The following SUPT3H variants were observed in gnomAD, a reference collection of about 807,000 sequenced individuals.
SUPT3H encodes the protein SPT3 homolog, SAGA and STAGA complex component.
SUPT3H carries 44 observed loss-of-function variants against 44.3 expected under a neutral mutation model. That is an observed-to-expected ratio of 0.99 (90% CI 0.78 to 1.28). SUPT3H has a LOEUF of 1.28. Among genes scored for constraint, SUPT3H ranks in the 50% most tolerant of loss-of-function variants. The probability of loss-of-function intolerance (pLI) is 0.00; values close to 1 mark genes in which losing one functional copy is unlikely to be tolerated. For missense variants in SUPT3H, 380 were observed against 387.1 expected (o/e 0.98, Z 0.15); for synonymous variants, 124 against 125.6 (o/e 0.99, Z 0.09).
At chr6:44,903,573 T>A (rs1017258999) in intron 10 of SUPT3H, among the ~76,000 whole-genome samples, 2 of 152,120 alleles carry the variant, frequency 1.3e-5, no homozygotes, top group Admixed American at 6.6e-5. Flanking sequence ...CAGGACCAGA[T>A]GGATTCACAG....
At chr6:44,895,602 G>T (rs1582310134) in intron 10 of SUPT3H, among the ~76,000 whole-genome samples, 1 of 152,122 alleles carries the variant, frequency 6.6e-6, no homozygotes, top group East Asian at 1.9e-4. Flanking sequence ...TTACTTTCTA[G>T]TATCACCTGT....
At chr6:45,099,125 C>A (rs1798193941) in intron 3 of SUPT3H, 4 of 343,132 alleles carry the variant, frequency 1.2e-5, no homozygotes, top group Non-Finnish European at 5.8e-6. Context: ...TTCCACACCC[C>A]CAACCCCAGG....
chr6:45,006,574 G>A (rs1329708), intron 5 of SUPT3H, among the ~76,000 whole-genome samples: 147,684 of 152,152 alleles, frequency 0.97, 71,701 homozygotes, highest in East Asian at 1. Context: ...ATTATTTAAA[G>A]TAAGATATCA....
At chr6:45,293,787 GA>G (rs1780683925) in intron 2 of SUPT3H, among the ~76,000 whole-genome samples, 1 of 151,986 alleles carries the variant, frequency 6.6e-6, no homozygotes. Flanking sequence ...CTTAAATCAG[GA>G]TAAATTAGAT....
chr6:45,197,703 T>C (rs1387150090), intron 2 of SUPT3H: 4 of 295,270 alleles, frequency 1.4e-5, no homozygotes, highest in African/African-American at 4.7e-5. Flanking sequence ...AAAACCATTA[T>C]GCATTGTATT....
chr6:45,333,400 A>C (rs895670231), intron 2 of SUPT3H, among the ~76,000 whole-genome samples: 1 of 151,536 alleles, frequency 6.6e-6, no homozygotes, highest in African/African-American at 2.4e-5. Context: ...TTCAGATTAA[A>C]TGCTCTTTTA....
chr6:45,306,172 C>A (rs955725149), intron 2 of SUPT3H, among the ~76,000 whole-genome samples: 1 of 152,212 alleles, frequency 6.6e-6, no homozygotes, highest in African/African-American at 2.4e-5. Flanking sequence ...AAGGCCACAT[C>A]ACAGGCAACA....
At chr6:45,309,463 A>G (rs955783017) in intron 2 of SUPT3H, among the ~76,000 whole-genome samples, 1 of 151,962 alleles carries the variant, frequency 6.6e-6, no homozygotes, top group African/African-American at 2.4e-5. Flanking sequence ...AAAAGAGAAA[A>G]AAAAAACTAT....
rs115169645 is a variant in SUPT3H, at chr6:45,196,171, G to A, written c.102-90165C>T. Reference sequence around the variant, plus strand: ...TGACAATATTCAATCATTTTAAAAGGGGGTAGGGGGCAGATATATTGCTTT... The same window carrying A: ...TGACAATATTCAATCATTTTAAAAGAGGGTAGGGGGCAGATATATTGCTTT... On this transcript the variant is annotated intron_variant, in intron 2 of 10. Transcript: ENST00000371459. Among the ~76,000 whole-genome samples, 1,103 of 151,990 alleles carry A rather than the reference G, an allele frequency of 7.3e-3. 17 individuals are homozygous for A. Among genetic ancestry groups the A allele is most frequent in the African/African-American group, 0.025 (1,046 of 41,466 alleles).
chr6:45,156,579 A>C (rs746247724), intron 2 of SUPT3H, among the ~76,000 whole-genome samples: 4 of 151,432 alleles, frequency 2.6e-5, no homozygotes, highest in Non-Finnish European at 4.4e-5. Flanking sequence ...AATTAATATA[A>C]TTTCAATAAA....
chr6:44,980,371 G>A (rs72867403), intron 6 of SUPT3H, among the ~76,000 whole-genome samples: 1 of 152,046 alleles, frequency 6.6e-6, no homozygotes, highest in Non-Finnish European at 1.5e-5. Context: ...CCTCATCAAT[G>A]TTATAACAAA....
chr6:45,219,871 T>G (rs1346580457), intron 2 of SUPT3H, among the ~76,000 whole-genome samples: 3 of 151,364 alleles, frequency 2.0e-5, no homozygotes, highest in Non-Finnish European at 4.4e-5. Flanking sequence ...AAACCCTGTC[T>G]CCATTAAAAA....
At chr6:44,918,131 T>C (rs1370936885) in intron 10 of SUPT3H, among the ~76,000 whole-genome samples, 1 of 152,108 alleles carries the variant, frequency 6.6e-6, no homozygotes, top group Middle Eastern at 3.2e-3. Flanking sequence ...TCTTTAGAAA[T>C]ATGAATCCCC....
At chr6:45,050,012 T>C (rs1790022514) in intron 3 of SUPT3H, among the ~76,000 whole-genome samples, 1 of 152,052 alleles carries the variant, frequency 6.6e-6, no homozygotes, top group African/African-American at 2.4e-5. Context: ...CTGGGGAAAA[T>C]GAAATCATAT....
At chr6:44,880,505 C>G (rs901090132) in intron 10 of SUPT3H, among the ~76,000 whole-genome samples, 2 of 152,136 alleles carry the variant, frequency 1.3e-5, no homozygotes, top group African/African-American at 4.8e-5. Context: ...AAACACTCTG[C>G]AGGATATTAT....
At chr6:45,168,016 G>A (rs1810177484) in intron 2 of SUPT3H, among the ~76,000 whole-genome samples, 1 of 151,966 alleles carries the variant, frequency 6.6e-6, no homozygotes, top group South Asian at 2.1e-4. Context: ...TCTCTATGTT[G>A]GTCAGGCTGG....
intron 9 of SUPT3H, among the ~76,000 whole-genome samples, chr6:44,935,816 T>C (rs1248767604): frequency 6.6e-6 from 1 of 152,220 alleles, no homozygotes; most frequent in Non-Finnish European, 1.5e-5. Context: ...AACTCTCAAC[T>C]GTGATGCAGA....
In SUPT3H at chr6:44,989,525, G is replaced by T. The variant is rs528210043; in HGVS notation, c.504+14128C>A. Reference sequence around the variant, plus strand: ...ATTTCTTTTGGATATATACCCAGAAGCAGCATTGCTGGATCATCTGATAGT... The same window carrying T: ...ATTTCTTTTGGATATATACCCAGAATCAGCATTGCTGGATCATCTGATAGT... On this transcript the variant is annotated intron_variant, in intron 6 of 10. Transcript: ENST00000371459. Among the ~76,000 whole-genome samples, 51 of 152,248 alleles carry T rather than the reference G, an allele frequency of 3.3e-4. 1 individual carries two copies. Among genetic ancestry groups the T allele is most frequent in the African/African-American group, 1.1e-3 (47 of 41,560 alleles).
chr6:45,201,968 A>C (rs1296725029), intron 2 of SUPT3H, among the ~76,000 whole-genome samples: 2 of 152,100 alleles, frequency 1.3e-5, no homozygotes, highest in African/African-American at 2.4e-5. Context: ...AAAGTAGTAG[A>C]ATATGCACGA....
Sources: allele counts gnomAD v4.1 joint callset (sites outside exome capture counted in the v4.1 genomes callset), GRCh38; gene constraint gnomAD v4.1.1; transcripts MANE v1.5; gene names NCBI Gene and HGNC (gene_info 2026-07-23, HGNC 2026-07-21).